Variants in DAB1 observed in about 807,000 individuals in gnomAD.
DAB1 encodes the protein DAB adaptor protein 1, also known as disabled homolog 1.
In DAB1, 15 loss-of-function variants were observed where a neutral mutation model predicts 64.6. That is an observed-to-expected ratio of 0.23 (90% CI 0.16 to 0.36). DAB1 has a LOEUF of 0.36. Among genes scored for constraint, DAB1 ranks in the 10% least tolerant of loss-of-function variants. DAB1 has a pLI of 1.00. For missense variants in DAB1, 596 were observed against 706.7 expected (o/e 0.84, Z 1.78); for synonymous variants, 235 against 251.9 (o/e 0.93, Z 0.64).
intron 6 of DAB1, among the ~76,000 whole-genome samples, chr1:57,731,801 T>C (rs1343439545): frequency 8.7e-6 from 1 of 114,504 alleles, no homozygotes; most frequent in Non-Finnish European, 1.9e-5. Context: ...TGAGATGCTG[T>C]CTCAAAAAAA....
intron 6 of DAB1, among the ~76,000 whole-genome samples, chr1:57,661,355 C>T (rs890391565): frequency 1.3e-5 from 2 of 152,208 alleles, no homozygotes; most frequent in African/African-American, 2.4e-5. Context: ...CCTCACCAGC[C>T]TCGGTGTCCT....
intron 3 of DAB1, among the ~76,000 whole-genome samples, chr1:58,433,596 A>AGAGTGT (rs1300056626): frequency 1.4e-4 from 11 of 79,858 alleles, no homozygotes; most frequent in African/African-American, 1.9e-4. Flanking sequence ...AGAGAGAGAG[A>AGAGTGT]GTGTGTGTGT....
intron 6 of DAB1, among the ~76,000 whole-genome samples, chr1:57,669,577 C>T (rs1646487112): frequency 6.6e-6 from 1 of 152,152 alleles, no homozygotes. Flanking sequence ...AACCTCACAG[C>T]AGGACAGCTG....
chr1:57,580,253 G>A (rs375866235), intron 7 of DAB1, among the ~76,000 whole-genome samples: 48 of 152,188 alleles, frequency 3.2e-4, no homozygotes, highest in African/African-American at 9.4e-4. Flanking sequence ...CTATGACTGC[G>A]CACACATATA....
chr1:57,649,017 C>T (rs1053344877), intron 7 of DAB1, among the ~76,000 whole-genome samples: 3 of 152,180 alleles, frequency 2.0e-5, no homozygotes, highest in Non-Finnish European at 4.4e-5. Flanking sequence ...ATTCCTGGCT[C>T]CTGTATGAAG....
At chr1:57,236,437 A>C (rs1411343128) in intron 2 of DAB1, among the ~76,000 whole-genome samples, 1 of 152,164 alleles carries the variant, frequency 6.6e-6, no homozygotes, top group Non-Finnish European at 1.5e-5. Context: ...TGTAGCAGAC[A>C]TTTAACTGGG....
At chr1:58,107,326 C>T (rs1423466850) in intron 5 of DAB1, among the ~76,000 whole-genome samples, 1 of 148,868 alleles carries the variant, frequency 6.7e-6, no homozygotes, top group Non-Finnish European at 1.5e-5. Context: ...AAAAAAGTAG[C>T]TGGGCGTGGT....
In DAB1 at chr1:57,740,046, C is replaced by CAAAAAAAAA. The variant is rs34382329; in HGVS notation, n.552-90390_552-90382dup. ...CCCATCTCTACTACTACTACTACTA[C>CAAAAAAAAA]AAAAAAAAAAAAAAAAAATTCGCCA... On this transcript the variant is annotated intron_variant and non_coding_transcript_variant, in intron 6 of 20. Coordinates refer to the DAB1 transcript ENST00000485760. 2.7e-4 allele frequency among the ~76,000 whole-genome samples: 28 copies of CAAAAAAAAA among 103,116 alleles called. 1 individual carries two copies. Among genetic ancestry groups the CAAAAAAAAA allele is most frequent in the Middle Eastern group, 0.01 (2 of 194 alleles). 67.6% of individuals were successfully genotyped at this position (103,116 alleles called of 152,430 possible). A position where few individuals can be genotyped will look rare whatever the true frequency, so the allele number is the denominator to read the frequency against.
intron 4 of DAB1, among the ~76,000 whole-genome samples, chr1:58,313,006 T>C (rs377428714): frequency 2.0e-5 from 3 of 152,304 alleles, no homozygotes; most frequent in East Asian, 3.9e-4. Flanking sequence ...CTATCTTTTT[T>C]ATTTTAACCC....
chr1:58,466,198 C>G (rs898742772), intron 3 of DAB1, among the ~76,000 whole-genome samples: 4 of 152,094 alleles, frequency 2.6e-5, no homozygotes, highest in African/African-American at 9.7e-5. Context: ...GGACTCCTCT[C>G]GTGGGCAACC....
At chr1:58,175,239 G>A (rs909946460) in intron 4 of DAB1, among the ~76,000 whole-genome samples, 4 of 152,148 alleles carry the variant, frequency 2.6e-5, no homozygotes, top group African/African-American at 4.8e-5. Context: ...AAACAACTCC[G>A]GATGCACCAC....
intron 1 of DAB1, among the ~76,000 whole-genome samples, chr1:57,420,163 C>A (rs1210171193): frequency 6.6e-6 from 1 of 152,142 alleles, no homozygotes; most frequent in African/African-American, 2.4e-5. Context: ...TGCTAGCATC[C>A]AAAAATGGGG....
intron 3 of DAB1, among the ~76,000 whole-genome samples, chr1:58,447,925 G>A (rs918642148): frequency 5.3e-5 from 8 of 151,632 alleles, no homozygotes; most frequent in Admixed American, 2.0e-4. Flanking sequence ...TTGATTAAGC[G>A]GCTTAACAGT....
chr1:57,872,276 A>T (rs911528438), intron 1 of DAB1, among the ~76,000 whole-genome samples: 1 of 152,170 alleles, frequency 6.6e-6, no homozygotes, highest in African/African-American at 2.4e-5. Flanking sequence ...TTTGGGACAT[A>T]ATTAGCTCAT....
intron 2 of DAB1, among the ~76,000 whole-genome samples, chr1:57,150,846 T>C (rs937745844): frequency 6.6e-6 from 1 of 152,140 alleles, no homozygotes; most frequent in African/African-American, 2.4e-5. Flanking sequence ...GGAATCACCT[T>C]GGGAATTTTT....
chr1:58,340,177 G>A (rs1235275407), intron 4 of DAB1, among the ~76,000 whole-genome samples: 1 of 152,124 alleles, frequency 6.6e-6, no homozygotes, highest in Non-Finnish European at 1.5e-5. Context: ...ATTTGTCAGA[G>A]AATATTAACA....
chr1:57,095,147 T>C (rs1654041909), intron 4 of DAB1, among the ~76,000 whole-genome samples: 1 of 152,122 alleles, frequency 6.6e-6, no homozygotes, highest in South Asian at 2.1e-4. Flanking sequence ...CTGCATTGAG[T>C]TTACCGTAGC....
chr1:57,789,825 G>A (rs944622191), intron 6 of DAB1, among the ~76,000 whole-genome samples: 1 of 152,162 alleles, frequency 6.6e-6, no homozygotes, highest in East Asian at 1.9e-4. Context: ...AAGTCAGGTA[G>A]GTATGGGCTA....
intron 5 of DAB1, among the ~76,000 whole-genome samples, chr1:57,980,898 T>C (rs959333870): frequency 4.0e-5 from 6 of 150,576 alleles, no homozygotes; most frequent in Non-Finnish European, 7.4e-5. Context: ...TACATGTATA[T>C]ATGTATATAT....
Sources: gnomAD v4.1 joint callset for allele counts (sites outside exome capture counted in the v4.1 genomes callset) on GRCh38, gnomAD v4.1.1 for gene constraint, MANE v1.5 for transcripts, NCBI Gene and HGNC (gene_info 2026-07-23, HGNC 2026-07-21) for gene names.